Variants in KALRN observed in about 807,000 individuals in gnomAD.
The protein encoded by KALRN is kalirin.
In KALRN, 70 loss-of-function variants were observed where a neutral mutation model predicts 353.7. The observed-to-expected ratio is 0.20, with a 90% confidence interval of 0.16 to 0.24. KALRN has a LOEUF of 0.24. Ranked by LOEUF, KALRN falls within the 10% of genes least tolerant of loss-of-function variation. The pLI is 1.00. For synonymous variants in KALRN, 1,391 were observed against 1,434.8 expected (o/e 0.97, Z 0.69); for missense variants, 2,791 against 3,756.7 (o/e 0.74, Z 6.72).
intron 8 of KALRN, among the ~76,000 whole-genome samples, chr3:124,332,288 C>G (rs1396819659): frequency 2.0e-5 from 3 of 152,024 alleles, no homozygotes; most frequent in Admixed American, 6.6e-5. Context: ...CCCATCCAAG[C>G]TATTATCAGG....
Position 124,722,552 on chromosome 3 carries a change from T to C in KALRN, c.*3082T>C, listed in dbSNP as rs1476965878. On this transcript the variant is annotated 3_prime_UTR_variant, in exon 60 of 60. Coordinates refer to ENST00000682506, the MANE Select transcript of KALRN (RefSeq NM_001388419.1). ...CCCAACAGAGATAAGAGAGTAGTCT[T>C]GGTTCAAGAGTTCTCCACAGCAAGT... 1 of 152,154 alleles carries C rather than the reference T, an allele frequency of 6.6e-6. No individual in the cohort carries two copies. The highest frequency in any genetic ancestry group is 2.4e-5 in the African/African-American group (1 of 41,420). The allele number at this position is 152,154 out of a possible 1,614,324, so 9.4% of individuals were successfully genotyped here.
chr3:124,429,362 G>C (rs941020336), intron 15 of KALRN, among the ~76,000 whole-genome samples: 5 of 152,080 alleles, frequency 3.3e-5, no homozygotes, highest in African/African-American at 1.2e-4. Context: ...GACTGGGCTT[G>C]GTATTTTCTA....
rs1162252325 is a variant in KALRN, at chr3:124,094,847, C to T, written c.73+61034C>T. 3.7e-6 allele frequency: 6 copies of T among 1,613,936 alleles called. No homozygotes were observed. In the African/African-American group the frequency reaches 4.0e-5, roughly 11 times the overall value. ...ATGAGTTCAGGGTGGGATGACGGAC[C>T]GCTTCTGGGACCAGTGGTATCTCTG... On this transcript the variant is annotated intron_variant, in intron 1 of 59. Transcript: ENST00000682506.
intron 27 of KALRN, among the ~76,000 whole-genome samples, chr3:124,480,303 A>C (rs1376067533): frequency 1.3e-5 from 2 of 152,194 alleles, no homozygotes; most frequent in African/African-American, 4.8e-5. Context: ...GAAAGAGGCA[A>C]ATGGTGACAA....
chr3:124,696,306 A>T (rs1345712260), intron 54 of KALRN, 51 bp downstream of exon 54: 2 of 1,573,974 alleles, frequency 1.3e-6, no homozygotes, highest in African/African-American at 2.7e-5. Context: ...ATATTTTTAG[A>T]CAGGTTCTTG....
At chr3:124,448,153 A>G (rs2093901028) in intron 21 of KALRN, among the ~76,000 whole-genome samples, 1 of 152,344 alleles carries the variant, frequency 6.6e-6, no homozygotes, top group African/African-American at 2.4e-5. Context: ...ATCAAAGTGG[A>G]AATGTGAAGA....
intron 1 of KALRN, among the ~76,000 whole-genome samples, chr3:124,060,521 C>A (rs2041914987): frequency 6.6e-6 from 1 of 152,180 alleles, no homozygotes; most frequent in Admixed American, 6.5e-5. Flanking sequence ...TCTCTTCTTA[C>A]CTTGTGATTT....
intron 27 of KALRN, 40 bp downstream of exon 27, chr3:124,477,374 G>A (rs1472374075): frequency 2.1e-6 from 3 of 1,422,564 alleles, no homozygotes; most frequent in East Asian, 4.6e-5. Flanking sequence ...TGATGAGCAG[G>A]TGGAAATGCT....
At chr3:124,341,518 A>G (rs2081713694) in intron 9 of KALRN, among the ~76,000 whole-genome samples, 1 of 152,232 alleles carries the variant, frequency 6.6e-6, no homozygotes. Flanking sequence ...CATCCCTCTA[A>G]GAACTAACTA....
chr3:124,155,866 C>T (rs1313805102), intron 1 of KALRN, among the ~76,000 whole-genome samples: 1 of 152,144 alleles, frequency 6.6e-6, no homozygotes, highest in African/African-American at 2.4e-5. Context: ...ACACACAGAG[C>T]CTTTACCTTC....
intron 1 of KALRN, among the ~76,000 whole-genome samples, chr3:124,222,652 A>G (rs1434526987): frequency 6.6e-6 from 1 of 152,038 alleles, no homozygotes. Flanking sequence ...CCCGGGCTGG[A>G]GTGAAGTGGC....
chr3:124,642,729 A>G (rs555280078), intron 37 of KALRN, among the ~76,000 whole-genome samples: 2 of 150,662 alleles, frequency 1.3e-5, no homozygotes, highest in South Asian at 2.1e-4. Context: ...TGGCCTCATC[A>G]TATCCATTGC....
rs2080969538 is a variant in KALRN, at chr3:124,334,901, T to C, written c.1647+406T>C. Among the ~76,000 whole-genome samples, 1 of 152,204 alleles carries C rather than the reference T, an allele frequency of 6.6e-6. No individual in the cohort carries two copies. The highest frequency in any genetic ancestry group is 2.4e-5 in the African/African-American group (1 of 41,446). Reference sequence around the variant, plus strand: ...CCTCCGCTTTCTGGGTTCAAGCGATTCTTGTTCCTCAGCCTCCCAAGTAGC... The same window carrying C: ...CCTCCGCTTTCTGGGTTCAAGCGATCCTTGTTCCTCAGCCTCCCAAGTAGC... On this transcript the variant is annotated intron_variant, in intron 9 of 59. Coordinates refer to ENST00000682506, the MANE Select transcript of KALRN (RefSeq NM_001388419.1). The surrounding 1 kb of genome is among the most constrained non-coding windows in gnomAD (Gnocchi z 4.2).
chr3:124,648,404 G>C (rs865786670), intron 37 of KALRN, among the ~76,000 whole-genome samples: 1 of 152,220 alleles, frequency 6.6e-6, no homozygotes, highest in Non-Finnish European at 1.5e-5. Flanking sequence ...GGACTCCTCA[G>C]ATGTTCTTTG....
chr3:124,157,546 A>G (rs1487748438), intron 1 of KALRN, among the ~76,000 whole-genome samples: 1 of 152,246 alleles, frequency 6.6e-6, no homozygotes, highest in Non-Finnish European at 1.5e-5. Context: ...TTCCACATCA[A>G]AAGTGTGAGT....
At chr3:124,600,058 T>G (rs1165871488) in intron 34 of KALRN, among the ~76,000 whole-genome samples, 1 of 152,130 alleles carries the variant, frequency 6.6e-6, no homozygotes, top group African/African-American at 2.4e-5. Context: ...CTCAGTGAGA[T>G]GTGTGTGTAG....
intron 33 of KALRN, among the ~76,000 whole-genome samples, chr3:124,544,187 AT>A: frequency 6.6e-6 from 1 of 152,250 alleles, no homozygotes; most frequent in Non-Finnish European, 1.5e-5. Context: ...CTTGCAGAAG[AT>A]ATGCAAACCA....
At chr3:124,367,492 C>T (rs1409406725) in intron 10 of KALRN, among the ~76,000 whole-genome samples, 41 of 93,070 alleles carry the variant, frequency 4.4e-4, no homozygotes, top group East Asian at 8.5e-4. Flanking sequence ...CCGGACGGGG[C>T]AGCTGGCCGG....
chr3:124,619,115 T>A (rs1359632155), intron 34 of KALRN, among the ~76,000 whole-genome samples: 1 of 132,526 alleles, frequency 7.5e-6, no homozygotes, highest in East Asian at 2.7e-4. Flanking sequence ...TTTCCATCAC[T>A]GTATATTTGA....
Sources: allele counts gnomAD v4.1 joint callset (sites outside exome capture counted in the v4.1 genomes callset), GRCh38; gene constraint gnomAD v4.1.1; non-coding constraint Gnocchi (gnomAD v3.1); transcripts MANE v1.5; gene names NCBI Gene and HGNC (gene_info 2026-07-23, HGNC 2026-07-21).